ZRANB3: variants seen among roughly 807,000 people sequenced by gnomAD.
ZRANB3 encodes the protein DNA annealing helicase and endonuclease ZRANB3.
ZRANB3 carries 125 observed loss-of-function variants against 133.8 expected under a neutral mutation model. The observed-to-expected ratio is 0.93, with a 90% CI of 0.81 to 1.08. The LOEUF is 1.08. ZRANB3 is among the 50% of genes least tolerant of loss of function. The probability of loss-of-function intolerance (pLI) is 0.00; values close to 1 mark genes in which losing one functional copy is unlikely to be tolerated. For synonymous variants in ZRANB3, 387 were observed against 432.7 expected, an observed-to-expected ratio of 0.89 and a Z score of 1.31; for missense variants, 1,229 against 1,275.5, an observed-to-expected ratio of 0.96 and a Z score of 0.56.
chr2:135,490,392 T>A (rs1692319752), intron 2 of ZRANB3, among the ~76,000 whole-genome samples: 1 of 152,008 alleles, frequency 6.6e-6, no homozygotes, highest in Non-Finnish European at 1.5e-5. Context: ...TGCCAACAGG[T>A]ATATTAAAAA....
chr2:135,531,135 A>C lies in ZRANB3; in HGVS notation c.-16T>G, dbSNP rs1459374779. 1.3e-5 allele frequency: 2 copies of C among 152,254 alleles called. No individual in the cohort carries two copies. Among genetic ancestry groups the C allele is most frequent in the African/African-American group, 2.4e-5 (1 of 41,450 alleles). 9.4% of individuals were successfully genotyped at this position (152,254 alleles called of 1,614,324 possible). A position where few individuals can be genotyped will look rare whatever the true frequency, so the allele number is the denominator to read the frequency against. On this transcript the variant is annotated 5_prime_UTR_variant, in exon 1 of 21. Coordinates refer to ENST00000264159, the MANE Select transcript of ZRANB3 (RefSeq NM_032143.4). ...GGTTGTCTTTTAAATACCTCGAGTCAGTAAAAACTCACGAAACTCCGCACC... is the reference window on the plus strand; with the variant it reads ...GGTTGTCTTTTAAATACCTCGAGTCCGTAAAAACTCACGAAACTCCGCACC...
intron 2 of ZRANB3, among the ~76,000 whole-genome samples, chr2:135,439,059 T>A (rs1689671545): frequency 6.6e-6 from 1 of 152,218 alleles, no homozygotes; most frequent in Non-Finnish European, 1.5e-5. Context: ...TATTTGCTAA[T>A]GTATAGCAAA....
intron 2 of ZRANB3, among the ~76,000 whole-genome samples, chr2:135,403,949 G>A (rs752047856): frequency 1.8e-4 from 27 of 152,150 alleles, no homozygotes; most frequent in South Asian, 1.0e-3. Flanking sequence ...AAATCCCATC[G>A]GTACGTCACC....
At chr2:135,372,170 A>AC (rs1222145241) in intron 3 of ZRANB3, among the ~76,000 whole-genome samples, 2 of 151,728 alleles carry the variant, frequency 1.3e-5, no homozygotes, top group African/African-American at 4.8e-5. Context: ...TGTCTCAAAA[A>AC]AAAAAAAAAA....
intron 12 of ZRANB3, among the ~76,000 whole-genome samples, chr2:135,258,594 G>A (rs1054713804): frequency 1.3e-5 from 2 of 152,108 alleles, no homozygotes; most frequent in Non-Finnish European, 2.9e-5. Context: ...AAGAACCCGG[G>A]TTTTCCTACA....
intron 8 of ZRANB3, among the ~76,000 whole-genome samples, chr2:135,284,309 G>T (rs1681241627): frequency 6.6e-6 from 1 of 152,178 alleles, no homozygotes; most frequent in Non-Finnish European, 1.5e-5. Flanking sequence ...AAAAGTATTA[G>T]CTCTTATTAT....
chr2:135,228,840 A>C (rs1189231976), intron 13 of ZRANB3, among the ~76,000 whole-genome samples: 1 of 152,170 alleles, frequency 6.6e-6, no homozygotes, highest in African/African-American at 2.4e-5. Flanking sequence ...TTTCTCTCTA[A>C]TCAGACTTTC....
chr2:135,316,964 C>T (rs1256014890), intron 6 of ZRANB3, among the ~76,000 whole-genome samples: 2 of 83,546 alleles, frequency 2.4e-5, no homozygotes, highest in African/African-American at 7.8e-5. Context: ...GATTCCGTCT[C>T]GAGAAAAAAA....
At chr2:135,387,014 A>G (rs1412615052) in intron 3 of ZRANB3, among the ~76,000 whole-genome samples, 2 of 152,074 alleles carry the variant, frequency 1.3e-5, no homozygotes, top group Admixed American at 6.6e-5. Context: ...AAAGAAAAAG[A>G]AAAAGATAAC....
chr2:135,360,250 G>A (rs10178915), intron 3 of ZRANB3, among the ~76,000 whole-genome samples: 28,921 of 151,674 alleles, frequency 0.19, 4,322 homozygotes, highest in African/African-American at 0.4. Context: ...GCATAGTGGC[G>A]CACACCTGTA....
chr2:135,506,756 A>T (rs147465783), intron 1 of ZRANB3, among the ~76,000 whole-genome samples: 6 of 152,316 alleles, frequency 3.9e-5, no homozygotes, highest in African/African-American at 1.4e-4. Flanking sequence ...ACACAATCTG[A>T]CTTACATTTC....
At chr2:135,416,801 G>A (rs937156369) in intron 2 of ZRANB3, among the ~76,000 whole-genome samples, 7 of 151,986 alleles carry the variant, frequency 4.6e-5, no homozygotes, top group Admixed American at 6.6e-5. Context: ...CAGAAATAAC[G>A]CCACATATCT....
chr2:135,243,644 GTTCT>G (rs1695653929), intron 12 of ZRANB3, among the ~76,000 whole-genome samples: 1 of 151,928 alleles, frequency 6.6e-6, no homozygotes, highest in Admixed American at 6.6e-5. Context: ...TCTGAAGCAG[GTTCT>G]TTCTTTGTCA....
At chr2:135,326,655 A>G (rs1030740393) in intron 6 of ZRANB3, among the ~76,000 whole-genome samples, 3 of 151,950 alleles carry the variant, frequency 2.0e-5, no homozygotes, top group African/African-American at 7.3e-5. Flanking sequence ...TAATCCCAGC[A>G]CTTTGGGAGG....
At chr2:135,210,696 G>T (rs951138822) in intron 17 of ZRANB3, among the ~76,000 whole-genome samples, 1 of 152,162 alleles carries the variant, frequency 6.6e-6, no homozygotes, top group South Asian at 2.1e-4. Flanking sequence ...CACTTTGGGA[G>T]GCCAAGATGG....
At chr2:135,289,044 T>C (rs1209483114) in intron 8 of ZRANB3, among the ~76,000 whole-genome samples, 2 of 152,180 alleles carry the variant, frequency 1.3e-5, no homozygotes, top group African/African-American at 2.4e-5. Flanking sequence ...TCTTTCACAG[T>C]TTTTGATGCC....
chr2:135,265,220 TTTC>T (rs1680172319), intron 12 of ZRANB3, among the ~76,000 whole-genome samples: 1 of 152,220 alleles, frequency 6.6e-6, no homozygotes, highest in Non-Finnish European at 1.5e-5. Context: ...TCTGAATCTT[TTTC>T]TTTACTATTT....
chr2:135,268,158 C>CT (rs370165216), intron 11 of ZRANB3, among the ~76,000 whole-genome samples: 4,870 of 149,570 alleles, frequency 0.033, 244 homozygotes, highest in African/African-American at 0.11. Context: ...TAATCTAACC[C>CT]TTTTTTTTTT....
rs997424694 is a variant in ZRANB3 at position 135,280,309 on chromosome 2, T to C, written c.967-4554A>G. On this transcript the variant is annotated intron_variant, in intron 8 of 20. Transcript: ENST00000264159. ...CAGGCCAGGCGTGGGGGCTCATGCC[T>C]GTAATCCCAGCACTTTGGGAGGCCA... is the stretch of plus-strand genomic sequence containing the variant. Among the ~76,000 whole-genome samples the C allele has an allele frequency of 3.3e-5, 5 of 152,238 alleles. No homozygotes were observed. The South Asian group carries it at 1.0e-3, about 31-fold the overall frequency.
Sources: gnomAD v4.1 joint callset for allele counts (sites outside exome capture counted in the v4.1 genomes callset) on GRCh38, gnomAD v4.1.1 for gene constraint, MANE v1.5 for transcripts, NCBI Gene and HGNC (gene_info 2026-07-23, HGNC 2026-07-21) for gene names.